The following SH3PXD2A variants were observed in gnomAD, a reference collection of about 807,000 sequenced individuals.
The protein encoded by SH3PXD2A is SH3 and PX domains 2A, also known as SH3 and PX domain-containing protein 2A.
SH3PXD2A carries 32 observed loss-of-function variants against 115.2 expected under a neutral mutation model. That is an observed-to-expected ratio of 0.28 (90% CI 0.21 to 0.37). The LOEUF (loss-of-function observed/expected upper bound fraction) is 0.37, where lower values mean the gene tolerates loss of function less well. SH3PXD2A is among the 10% of genes least tolerant of loss of function. The pLI, the probability that SH3PXD2A is intolerant of heterozygous loss-of-function variation, is 1.00. For synonymous variants in SH3PXD2A, 610 were observed against 629.1 expected (o/e 0.97, Z 0.45); for missense variants, 1,328 against 1,498.7 (o/e 0.89, Z 1.88).
intron 13 of SH3PXD2A, among the ~76,000 whole-genome samples, chr10:103,611,155 G>C (rs1021168903): frequency 2.3e-4 from 35 of 152,198 alleles, no homozygotes; most frequent in Non-Finnish European, 4.4e-4. Flanking sequence ...TCACTGATCT[G>C]CCCTCTGCCC....
chr10:103,812,780 C>G (rs2078658494), intron 1 of SH3PXD2A, among the ~76,000 whole-genome samples: 1 of 152,222 alleles, frequency 6.6e-6, no homozygotes, highest in Non-Finnish European at 1.5e-5. Context: ...CTCAGCAAAG[C>G]TCAACTTTTG....
chr10:103,690,863 T>C (rs189943153), intron 6 of SH3PXD2A, among the ~76,000 whole-genome samples: 4 of 152,280 alleles, frequency 2.6e-5, no homozygotes, highest in Admixed American at 6.5e-5. Flanking sequence ...CAACTCCAGC[T>C]GTCTGGCTTC....
chr10:103,680,951 CTT>C (rs978251612), intron 6 of SH3PXD2A, among the ~76,000 whole-genome samples: 1 of 152,198 alleles, frequency 6.6e-6, no homozygotes, highest in Admixed American at 6.5e-5. Flanking sequence ...TCCCCCATGT[CTT>C]TGTTTTTCCG....
chr10:103,691,366 A>G (rs1051188462), intron 6 of SH3PXD2A, among the ~76,000 whole-genome samples: 1 of 152,220 alleles, frequency 6.6e-6, no homozygotes, highest in African/African-American at 2.4e-5. Context: ...ACTGAGGCAC[A>G]GAGAAGTTAT....
intron 8 of SH3PXD2A, among the ~76,000 whole-genome samples, chr10:103,659,681 C>A (rs1479227158): frequency 2.0e-5 from 3 of 152,218 alleles, no homozygotes; most frequent in Non-Finnish European, 4.4e-5. Flanking sequence ...TGCTGACCAC[C>A]TTGGTGATGA....
At chr10:103,755,932 C>T (rs2038635574) in intron 3 of SH3PXD2A, among the ~76,000 whole-genome samples, 1 of 152,196 alleles carries the variant, frequency 6.6e-6, no homozygotes, top group African/African-American at 2.4e-5. Flanking sequence ...CGCCAGGCCA[C>T]CCTGTCCCTG....
At chr10:103,606,000 C>G in intron 13 of SH3PXD2A, 83 bp from the exon 14 acceptor site, 9 of 1,487,612 alleles carry the variant, frequency 6.0e-6, no homozygotes, top group South Asian at 4.9e-5. Flanking sequence ...CACTCAGTCC[C>G]CAGGGGGTGC....
chr10:103,776,762 C>G (rs1318491016), intron 2 of SH3PXD2A, among the ~76,000 whole-genome samples: 1 of 152,162 alleles, frequency 6.6e-6, no homozygotes, highest in Admixed American at 6.5e-5. Flanking sequence ...AAATTTCCCC[C>G]TTTCACAGGG....
intron 8 of SH3PXD2A, among the ~76,000 whole-genome samples, chr10:103,636,658 C>G (rs543168414): frequency 1.3e-5 from 2 of 152,032 alleles, no homozygotes; most frequent in African/African-American, 4.8e-5. Flanking sequence ...ATAATGAGCT[C>G]GTTAGGGCCA....
intron 1 of SH3PXD2A, among the ~76,000 whole-genome samples, chr10:103,823,240 G>C (rs1334479449): frequency 6.6e-6 from 1 of 152,210 alleles, no homozygotes; most frequent in Non-Finnish European, 1.5e-5. Context: ...CAGGGAGAGA[G>C]GATGTGCCAC....
intron 4 of SH3PXD2A, among the ~76,000 whole-genome samples, chr10:103,730,283 T>C (rs1259858505): frequency 1.3e-5 from 2 of 150,578 alleles, no homozygotes; most frequent in African/African-American, 4.9e-5. Flanking sequence ...TTTTTTGTTT[T>C]TTAATTTTTT....
intron 8 of SH3PXD2A, among the ~76,000 whole-genome samples, chr10:103,639,608 TA>T (rs67918508): frequency 0.35 from 29,521 of 85,448 alleles, 2,872 homozygotes; most frequent in Middle Eastern, 0.42. Flanking sequence ...GACTCCGTCT[TA>T]AAAAAAAAAA....
At chr10:103,657,776 A>G (rs1472620422) in intron 8 of SH3PXD2A, among the ~76,000 whole-genome samples, 1 of 152,240 alleles carries the variant, frequency 6.6e-6, no homozygotes, top group Non-Finnish European at 1.5e-5. Context: ...TCAATGAACA[A>G]CATGAATTCC....
chr10:103,668,509 A>G (rs2037413533), intron 7 of SH3PXD2A, 99 bp downstream of exon 7: 3 of 1,054,014 alleles, frequency 2.8e-6, no homozygotes, highest in South Asian at 2.8e-5. Flanking sequence ...GCTGCTGCAC[A>G]TCACAGGGAA....
chr10:103,775,908 G>C (rs1437253150), intron 2 of SH3PXD2A, among the ~76,000 whole-genome samples: 1 of 152,206 alleles, frequency 6.6e-6, no homozygotes, highest in Non-Finnish European at 1.5e-5. Context: ...TGGCAGGTGG[G>C]AGGTCTCAGA....
chr10:103,827,490 C>A (rs1170620190), intron 1 of SH3PXD2A, among the ~76,000 whole-genome samples: 1 of 152,224 alleles, frequency 6.6e-6, no homozygotes, highest in Non-Finnish European at 1.5e-5. Context: ...TGGTGTTGGG[C>A]AAGCTACATG....
chr10:103,652,862 C>A (rs2037149393), intron 8 of SH3PXD2A, among the ~76,000 whole-genome samples: 1 of 152,166 alleles, frequency 6.6e-6, no homozygotes. Flanking sequence ...TCTGTCAGCT[C>A]CGCTGCGGGG....
chr10:103,652,714 G>A (rs761589294), intron 8 of SH3PXD2A, among the ~76,000 whole-genome samples: 10 of 152,148 alleles, frequency 6.6e-5, no homozygotes, highest in Non-Finnish European at 1.5e-4. Context: ...CAGCCGGGGA[G>A]GGGGGTGAGA....
At chr10:103,680,630 G>T (rs1462473406) in intron 6 of SH3PXD2A, among the ~76,000 whole-genome samples, 4 of 152,154 alleles carry the variant, frequency 2.6e-5, no homozygotes, top group African/African-American at 9.7e-5. Context: ...TGACCCAGTT[G>T]TCTTGGTGCA....
Sources: allele counts gnomAD v4.1 joint callset (sites outside exome capture counted in the v4.1 genomes callset), GRCh38; gene constraint gnomAD v4.1.1; transcripts MANE v1.5; gene names NCBI Gene and HGNC (gene_info 2026-07-23, HGNC 2026-07-21).